Variants in MLXIP observed in about 807,000 individuals in gnomAD.
MLXIP encodes the protein MLX-interacting protein.
Under a neutral mutation model 87.2 loss-of-function variants are expected in MLXIP, and 30 were observed. That is an observed-to-expected ratio of 0.34 (90% CI 0.26 to 0.47). The LOEUF (loss-of-function observed/expected upper bound fraction) is 0.47. Among genes scored for constraint, MLXIP ranks in the 20% least tolerant of loss-of-function variants. MLXIP has a pLI of 1.00. For missense variants in MLXIP, 1,002 were observed against 1,240.1 expected, an observed-to-expected ratio of 0.81 and a Z score of 2.88; for synonymous variants, 530 against 514.0, an observed-to-expected ratio of 1.03 and a Z score of -0.42.
intron 1 of MLXIP, among the ~76,000 whole-genome samples, chr12:122,104,524 T>A (rs1427022645): frequency 6.6e-6 from 1 of 152,138 alleles, no homozygotes; most frequent in African/African-American, 2.4e-5. Flanking sequence ...GGTAGATGTA[T>A]TTGATTTATC....
At chr12:122,096,748 C>T (rs1952358180) in intron 1 of MLXIP, among the ~76,000 whole-genome samples, 1 of 152,188 alleles carries the variant, frequency 6.6e-6, no homozygotes, top group Non-Finnish European at 1.5e-5. Flanking sequence ...TGGTGCTCTG[C>T]TGACAGACCC....
In MLXIP at chr12:122,129,955, G is replaced by A. The variant is rs1247013393; in HGVS notation, c.753G>A (p.Leu251=). 7 of 1,613,330 alleles carry A rather than the reference G, an allele frequency of 4.3e-6. No individual in the cohort carries two copies. In the African/African-American group the frequency reaches 9.3e-5, roughly 22 times the overall value. ...LSSLVQDDDM[L]YWHKHGDGWK... is the part of the protein sequence containing the mutation. ...TGTTGTGTTAGGACGATGACATGCT[G>A]TATTGGCACAAGCACGGGGATGGAT... is the stretch of plus-strand genomic sequence containing the variant. The change falls in exon 6 of 17, where the codon CTG becomes CTA. Residue 251 remains leucine (L), a synonymous_variant. Coordinates refer to ENST00000319080, the MANE Select transcript of MLXIP (RefSeq NM_014938.6).
In MLXIP at chr12:122,099,927, C is replaced by T. The variant is rs1371523391; in HGVS notation, c.413+20661C>T. Among the ~76,000 whole-genome samples, 5 of 152,158 alleles carry T rather than the reference C, an allele frequency of 3.3e-5. No homozygotes were observed. The South Asian group carries it at 6.2e-4, about 19-fold the overall frequency. On this transcript the variant is annotated intron_variant, in intron 1 of 16. Coordinates refer to ENST00000319080, the MANE Select transcript of MLXIP (RefSeq NM_014938.6). ...CATTTCCTCCCCAAGTCAGGAACTT[C>T]GTTTCTCTGCATTTGAATCAATAGC...
At chr12:122,085,856 C>G (rs771301694) in intron 1 of MLXIP, among the ~76,000 whole-genome samples, 1 of 152,050 alleles carries the variant, frequency 6.6e-6, no homozygotes, top group Non-Finnish European at 1.5e-5. Context: ...ACATCCTCAT[C>G]CACAGAACCT....
At chr12:122,127,101 GAA>G (rs1396172207) in intron 1 of MLXIP, 153 bp from the exon 2 acceptor site, 5 of 694,814 alleles carry the variant, frequency 7.2e-6, no homozygotes, top group African/African-American at 1.7e-5. Flanking sequence ...TGGCTCTGAA[GAA>G]ATCCCCCAGT....
At chr12:122,094,994 G>T (rs1218536156) in intron 1 of MLXIP, among the ~76,000 whole-genome samples, 1 of 109,478 alleles carries the variant, frequency 9.1e-6, no homozygotes, top group Admixed American at 1.0e-4. Context: ...GTATGTGTGT[G>T]CGGTGTCTGT....
chr12:122,137,999 A>G lies in MLXIP; in HGVS notation c.2155-195A>G, dbSNP rs984822423. On this transcript the variant is annotated intron_variant, in intron 12 of 16. Transcript: ENST00000319080. The surrounding 1 kb of genome is among the most constrained non-coding windows in gnomAD (Gnocchi z 4.1). ...CAGCCCCAGCTGTGCACCATTCTGCAGAGCGGGTTTTCTGTGGTTCCCAGT... is the reference window on the plus strand; with the variant it reads ...CAGCCCCAGCTGTGCACCATTCTGCGGAGCGGGTTTTCTGTGGTTCCCAGT... Among the ~76,000 whole-genome samples, 5 of 152,222 alleles carry G rather than the reference A, an allele frequency of 3.3e-5. No individual in the cohort carries two copies. The highest frequency in any genetic ancestry group is 1.3e-4 in the Admixed American group (2 of 15,290).
chr12:122,115,645 C>T (rs913521559), intron 1 of MLXIP, among the ~76,000 whole-genome samples: 1 of 148,104 alleles, frequency 6.8e-6, no homozygotes, highest in Non-Finnish European at 1.5e-5. Flanking sequence ...AACCTACATT[C>T]AAAAGACATG....
chr12:122,106,434 G>A lies in MLXIP; in HGVS notation c.414-20822G>A, dbSNP rs548192883. Among the ~76,000 whole-genome samples, 9 of 152,246 alleles carry A rather than the reference G, an allele frequency of 5.9e-5. No individual in the cohort carries two copies. The East Asian group carries it at 1.7e-3, about 29-fold the overall frequency. ...GTGAGGTCCTGAGGGCAGAGCCAGG[G>A]ATGGCATTGTCACTGTGTTGTCACT... On this transcript the variant is annotated intron_variant, in intron 1 of 16. Transcript: ENST00000319080.
intron 1 of MLXIP, among the ~76,000 whole-genome samples, chr12:122,120,478 G>T (rs1952761130): frequency 6.6e-6 from 1 of 152,162 alleles, no homozygotes; most frequent in South Asian, 2.1e-4. Flanking sequence ...CTCCTGCCTT[G>T]GCCCCTCAAA....
intron 15 of MLXIP, 94 bp downstream of exon 15, chr12:122,139,032 T>C: frequency 6.5e-7 from 1 of 1,535,316 alleles, no homozygotes; most frequent in South Asian, 1.3e-5. Context: ...AAAGACTCTT[T>C]AAATGCCTGT....
chr12:122,124,120 C>T lies in MLXIP; in HGVS notation c.414-3136C>T, dbSNP rs889900934. On this transcript the variant is annotated intron_variant, in intron 1 of 16. Transcript: ENST00000319080. ...GCATGACGTGTGCTCCCACCCAAGG[C>T]GTGCTGCATGAGGGGAACCTCCCCG... Among the ~76,000 whole-genome samples the T allele has an allele frequency of 7.2e-5, 11 of 151,844 alleles. No individual in the cohort carries two copies. The East Asian group carries it at 1.2e-3, about 16-fold the overall frequency.
rs992512869 is a variant in MLXIP, at chr12:122,137,920, G to A, written c.2155-274G>A. On this transcript the variant is annotated intron_variant, in intron 12 of 16. Coordinates refer to ENST00000319080, the MANE Select transcript of MLXIP (RefSeq NM_014938.6). The surrounding 1 kb of genome is among the most constrained non-coding windows in gnomAD (Gnocchi z 4.1). Reference sequence around the variant, plus strand: ...CTGTGGGGAGGAGGCAGGGCTGGGTGGGGAAGGCGGAGCTTGCAGCACCTG... The same window carrying A: ...CTGTGGGGAGGAGGCAGGGCTGGGTAGGGAAGGCGGAGCTTGCAGCACCTG... Among the ~76,000 whole-genome samples, 5 of 152,216 alleles carry A rather than the reference G, an allele frequency of 3.3e-5. No individual in the cohort carries two copies. The highest frequency in any genetic ancestry group is 1.2e-4 in the African/African-American group (5 of 41,458).
intron 3 of MLXIP, 76 bp from the exon 4 acceptor site, chr12:122,129,061 G>T: frequency 3.2e-6 from 4 of 1,233,748 alleles, no homozygotes; most frequent in Non-Finnish European, 4.7e-6. Flanking sequence ...TATAGTGCCG[G>T]ATACTCAGTA....
Position 122,137,352 on chromosome 12 carries a change from C to A in MLXIP, c.2033-117C>A. On this transcript the variant is annotated intron_variant, in intron 11 of 16. Coordinates refer to ENST00000319080, the MANE Select transcript of MLXIP (RefSeq NM_014938.6). This position sits in a 1 kb window ranked among gnomAD's most constrained non-coding sequence, Gnocchi z 4.1. ...AGCATGTGTGTGCAGTTGAAAGAAC[C>A]AAGTGCAATACGTGGCTAGCAGCGA... 1.8e-6 allele frequency: 2 copies of A among 1,123,934 alleles called. No homozygotes were observed. Among genetic ancestry groups the A allele is most frequent in the Non-Finnish European group, 2.5e-6 (2 of 816,116 alleles). 69.6% of individuals were successfully genotyped at this position (1,123,934 alleles called of 1,614,324 possible). A position where few individuals can be genotyped will look rare whatever the true frequency, so the allele number is the denominator to read the frequency against.
At chr12:122,085,743 G>A (rs912189227) in intron 1 of MLXIP, among the ~76,000 whole-genome samples, 5 of 152,150 alleles carry the variant, frequency 3.3e-5, no homozygotes, top group South Asian at 4.1e-4. Context: ...GGACATTGGC[G>A]TGGAGTGGGA....
At chr12:122,132,433 C>A in intron 8 of MLXIP, 50 bp downstream of exon 8, 1 of 1,445,930 alleles carries the variant, frequency 6.9e-7, no homozygotes, top group Non-Finnish European at 9.5e-7. Flanking sequence ...AGGCACAGGG[C>A]TGCTCATCAA....
Position 122,135,418 on chromosome 12 carries a change from C to T in MLXIP, c.1855-71C>T. 6.2e-7 allele frequency: 1 copy of T among 1,601,618 alleles called. No individual in the cohort carries two copies. The highest frequency in any genetic ancestry group is 1.7e-5 in the Admixed American group (1 of 59,226). On this transcript the variant is annotated intron_variant, in intron 10 of 16. Coordinates refer to ENST00000319080, the MANE Select transcript of MLXIP (RefSeq NM_014938.6). This position sits in a 1 kb window ranked among gnomAD's most constrained non-coding sequence, Gnocchi z 5.3. ...CACTCTGATCTTGGGCGGCCCTCAC[C>T]TGAGACGACTGGTGTGCCGCCCTGC...
In MLXIP at chr12:122,078,839, GGCCGAGCCC is replaced by G; in HGVS notation, c.-14_-6del. 63 of 1,059,028 alleles carry G rather than the reference GGCCGAGCCC, an allele frequency of 5.9e-5. No homozygotes were observed. Among genetic ancestry groups the G allele is most frequent in the Non-Finnish European group, 7.2e-5 (63 of 878,414 alleles). The allele number at this position is 1,059,028 out of a possible 1,614,324, so 65.6% of individuals were successfully genotyped here. A position where few individuals can be genotyped will look rare whatever the true frequency, so the allele number is the denominator to read the frequency against. ...GCCCCGGGCTCCGGGGGATGCCCCC[GGCCGAGCCC>G]TTCTCATGGCCGCCGACGTCTTCAT... On this transcript the variant is annotated 5_prime_UTR_variant, in exon 1 of 17. Transcript: ENST00000319080.
Sources: allele counts gnomAD v4.1 joint callset (sites outside exome capture counted in the v4.1 genomes callset), GRCh38; gene constraint gnomAD v4.1.1; non-coding constraint Gnocchi (gnomAD v3.1); transcripts MANE v1.5; gene names NCBI Gene and HGNC (gene_info 2026-07-23, HGNC 2026-07-21).